PHF24: variants seen among roughly 807,000 people sequenced by gnomAD.
PHF24 encodes Galpha inhibitory interacting protein.
PHF24 carries 25 observed loss-of-function variants against 42.6 expected under a neutral mutation model. The ratio of observed to expected loss-of-function variants is 0.59; its 90% CI spans 0.43 to 0.82. The LOEUF is 0.82. Among genes scored for constraint, PHF24 ranks in the 40% least tolerant of loss-of-function variants. The pLI is 0.00. For missense variants in PHF24, 470 were observed against 538.1 expected (o/e 0.87, Z 1.25); for synonymous variants, 185 against 204.8 (o/e 0.90, Z 0.83).
chr9:34,906,807 A>G, the PHF24 span, among the ~76,000 whole-genome samples: 2 of 152,184 alleles, frequency 1.3e-5, no homozygotes, highest in African/African-American at 4.8e-5. Context: ...GTTGTCTGAA[A>G]TCCCCTCCAT....
chr9:34,947,293 A>G, the PHF24 span, among the ~76,000 whole-genome samples: 1 of 152,252 alleles, frequency 6.6e-6, no homozygotes, highest in East Asian at 1.9e-4. Flanking sequence ...ATGGTCCCAT[A>G]AAATTATAAT....
At chr9:34,676,066 G>A in the PHF24 span, among the ~76,000 whole-genome samples, 1 of 152,148 alleles carries the variant, frequency 6.6e-6, no homozygotes, top group Non-Finnish European at 1.5e-5. Context: ...GTGGAGTGGG[G>A]GAGTTATTTC....
the PHF24 span, among the ~76,000 whole-genome samples, chr9:34,854,964 A>G: frequency 6.6e-6 from 1 of 152,148 alleles, no homozygotes; most frequent in African/African-American, 2.4e-5. Context: ...GTGCTCCTGT[A>G]TTGGTGTATG....
At chr9:34,794,058 G>A in the PHF24 span, among the ~76,000 whole-genome samples, 2 of 151,992 alleles carry the variant, frequency 1.3e-5, no homozygotes, top group East Asian at 1.9e-4. Flanking sequence ...AGAGGGAGGA[G>A]CTTGGGAAAG....
chr9:34,956,928 G>A (rs905586465), upstream of PHF24, among the ~76,000 whole-genome samples: 1 of 152,100 alleles, frequency 6.6e-6, no homozygotes, highest in African/African-American at 2.4e-5. Flanking sequence ...AGGAGCTTGC[G>A]GTATGAAATC....
At chr9:34,775,943 C>T in the PHF24 span, among the ~76,000 whole-genome samples, 6 of 152,100 alleles carry the variant, frequency 3.9e-5, no homozygotes, top group African/African-American at 1.4e-4. Context: ...ATATATGTTG[C>T]CACGTGGATG....
the PHF24 span, among the ~76,000 whole-genome samples, chr9:34,831,545 G>A: frequency 6.6e-6 from 1 of 152,078 alleles, no homozygotes; most frequent in East Asian, 1.9e-4. Context: ...GCAGAACTAA[G>A]CTCAGTGATC....
chr9:34,805,544 A>G, the PHF24 span, among the ~76,000 whole-genome samples: 1 of 152,192 alleles, frequency 6.6e-6, no homozygotes, highest in East Asian at 1.9e-4. Context: ...CGTGCACTTT[A>G]AAATCTAGTT....
At chr9:34,737,934 A>G in the PHF24 span, among the ~76,000 whole-genome samples, 273 of 152,102 alleles carry the variant, frequency 1.8e-3, no homozygotes, top group African/African-American at 6.3e-3. Flanking sequence ...TGTGTCATAA[A>G]AGGCAATATG....
At chr9:34,976,490 G>A in intron 4 of PHF24, 45 bp from the exon 5 acceptor site, 1 of 1,580,758 alleles carries the variant, frequency 6.3e-7, no homozygotes, top group Non-Finnish European at 8.6e-7. Context: ...GGTGCCCTGA[G>A]GCTGAGGAAG....
chr9:34,797,239 T>G, the PHF24 span, among the ~76,000 whole-genome samples: 2 of 152,246 alleles, frequency 1.3e-5, no homozygotes, highest in East Asian at 3.9e-4. Flanking sequence ...TGTTTACAGA[T>G]CCTGAAGCCC....
chr9:34,763,130 A>G, the PHF24 span, among the ~76,000 whole-genome samples: 50 of 108,032 alleles, frequency 4.6e-4, no homozygotes, highest in Non-Finnish European at 7.8e-4. Context: ...GTCAGGTAGC[A>G]TGATGCCTCC....
chr9:34,911,255 T>C, the PHF24 span, among the ~76,000 whole-genome samples: 1 of 151,968 alleles, frequency 6.6e-6, no homozygotes, highest in African/African-American at 2.4e-5. Flanking sequence ...CTTTTCTTTT[T>C]CTTTTTCTTT....
chr9:34,680,559 G>T, the PHF24 span, among the ~76,000 whole-genome samples: 3 of 147,872 alleles, frequency 2.0e-5, no homozygotes, highest in Non-Finnish European at 3.0e-5. Flanking sequence ...GTAGTGGCGG[G>T]CGCCTGTAGT....
chr9:34,808,284 C>T, the PHF24 span, among the ~76,000 whole-genome samples: 51,793 of 151,824 alleles, frequency 0.34, 9,453 homozygotes, highest in East Asian at 0.66. Context: ...TAGTGTTTAG[C>T]ATCTACCATT....
At chr9:34,701,005 C>T in the PHF24 span, among the ~76,000 whole-genome samples, 1 of 152,170 alleles carries the variant, frequency 6.6e-6, no homozygotes, top group Non-Finnish European at 1.5e-5. The surrounding 1 kb of genome is among the most constrained non-coding windows in gnomAD (Gnocchi z 5.8). Flanking sequence ...GGTACAGAGG[C>T]ATCAGCGCTA....
At chr9:34,888,032 G>A in the PHF24 span, among the ~76,000 whole-genome samples, 1 of 151,988 alleles carries the variant, frequency 6.6e-6, no homozygotes, top group Admixed American at 6.6e-5. Context: ...TCTCCAGTGA[G>A]TCACTATTCT....
chr9:34,689,794 C>T, the PHF24 span: 708 of 1,613,824 alleles, frequency 4.4e-4, 2 homozygotes, highest in Non-Finnish European at 5.4e-4. The surrounding 1 kb of genome is among the most constrained non-coding windows in gnomAD (Gnocchi z 4.1). Context: ...ACTCGGACTC[C>T]GGGCTCCCTC....
chr9:34,865,474 G>C, the PHF24 span, among the ~76,000 whole-genome samples: 1 of 152,212 alleles, frequency 6.6e-6, no homozygotes, highest in East Asian at 1.9e-4. Context: ...TGAGACAGGA[G>C]AATCGCTTAA....
Sources: allele counts gnomAD v4.1 joint callset (sites outside exome capture counted in the v4.1 genomes callset), GRCh38; gene constraint gnomAD v4.1.1; non-coding constraint Gnocchi (gnomAD v3.1); transcripts MANE v1.5; gene names NCBI Gene and HGNC (gene_info 2026-07-23, HGNC 2026-07-21).